ARHGAP29: variants seen among roughly 807,000 people sequenced by gnomAD.
The protein encoded by ARHGAP29 is rho GTPase-activating protein 29.
In ARHGAP29, 43 loss-of-function variants were observed where a neutral mutation model predicts 122.6. That is an observed-to-expected ratio of 0.35 (90% CI 0.27 to 0.45). The LOEUF (loss-of-function observed/expected upper bound fraction) is 0.45. ARHGAP29 is among the 20% of genes least tolerant of loss of function. The probability of loss-of-function intolerance (pLI) is 1.00; values close to 1 mark genes in which losing one functional copy is unlikely to be tolerated. For synonymous variants in ARHGAP29, 506 were observed against 497.1 expected, an observed-to-expected ratio of 1.02 and a Z score of -0.24; for missense variants, 1,303 against 1,477.2, an observed-to-expected ratio of 0.88 and a Z score of 1.93.
chr1:94,209,002 A>G, intron 4 of ARHGAP29, 98 bp from the exon 5 acceptor site: 2 of 1,157,422 alleles, frequency 1.7e-6, no homozygotes. Flanking sequence ...TTTAAAAATA[A>G]GAACCTTAGA....
chr1:94,269,857 A>T (rs2130896), intron 1 of ARHGAP29, among the ~76,000 whole-genome samples: 39,162 of 152,000 alleles, frequency 0.26, 5,853 homozygotes, highest in Middle Eastern at 0.42. Flanking sequence ...GCTTATAAGT[A>T]GAGTCCTGGT....
chr1:94,184,947 T>C lies in ARHGAP29; in HGVS notation c.2034A>G (p.Lys678=). 1 of 1,613,796 alleles carries C rather than the reference T, an allele frequency of 6.2e-7. No homozygotes were observed. Among genetic ancestry groups the C allele is most frequent in the Non-Finnish European group, 8.5e-7 (1 of 1,179,840 alleles). The change falls in exon 18 of 23, where the codon AAA becomes AAG. Residue 678 remains lysine, a synonymous_variant. Coordinates refer to ENST00000260526, the MANE Select transcript of ARHGAP29 (RefSeq NM_004815.4). ...TAAAAGGGATACCATCTGGTTCCTT[T>C]TTTGCAACTTGTGTGAATTCTGCTC... ...LFGAEFTQVA[K]KEPDGIPFIL...
chr1:94,275,748 A>G (rs529984537), upstream of ARHGAP29, among the ~76,000 whole-genome samples: 35 of 152,250 alleles, frequency 2.3e-4, no homozygotes, highest in African/African-American at 8.2e-4. Context: ...ACATACGAAC[A>G]TATAAGAGAG....
chr1:94,192,384 T>G (rs924889219), intron 12 of ARHGAP29: 2 of 152,182 alleles, frequency 1.3e-5, no homozygotes, highest in Non-Finnish European at 2.9e-5. Context: ...ACAAACTGAG[T>G]GCAGACAGAA....
chr1:94,191,335 AT>A (rs1176132250), intron 12 of ARHGAP29: 1 of 152,166 alleles, frequency 6.6e-6, no homozygotes, highest in Non-Finnish European at 1.5e-5. Flanking sequence ...GCTTAATGTT[AT>A]TTCAAAGACT....
At chr1:94,228,637 G>A (rs1652752016) in intron 2 of ARHGAP29, among the ~76,000 whole-genome samples, 1 of 151,752 alleles carries the variant, frequency 6.6e-6, no homozygotes, top group South Asian at 2.1e-4. Flanking sequence ...CGGAGCTAAA[G>A]GTACCTGCCT....
Position 94,220,292 on chromosome 1 carries a change from T to C in ARHGAP29, c.306A>G (p.Gln102=), listed in dbSNP as rs750257938. 6.2e-6 allele frequency: 10 copies of C among 1,613,570 alleles called. No homozygotes were observed. The highest frequency in any genetic ancestry group is 1.3e-5 in the African/African-American group (1 of 74,930). ...KHQNLNSVDL[Q]NAAEMLTAKV... is the part of the protein sequence containing the mutation. ...TTGCAGTGAGCATTTCTGCAGCATT[T>C]TGAAGATCAACAGAATTGAGGTTCT... Residue 102 remains glutamine (Q), a synonymous_variant, in exon 3 of 23, where the codon CAA becomes CAG. Coordinates refer to ENST00000260526, the MANE Select transcript of ARHGAP29 (RefSeq NM_004815.4).
chr1:94,242,568 A>G (rs545976168), upstream of ARHGAP29, among the ~76,000 whole-genome samples: 129 of 151,808 alleles, frequency 8.5e-4, no homozygotes, highest in African/African-American at 2.9e-3. Context: ...ATCTCCAGAG[A>G]TAAAGTTAAT....
chr1:94,266,222 T>A (rs1313743661), intron 1 of ARHGAP29, among the ~76,000 whole-genome samples: 1 of 152,106 alleles, frequency 6.6e-6, no homozygotes, highest in Non-Finnish European at 1.5e-5. Context: ...GAGCAGTGAG[T>A]CAGCCAGGCT....
chr1:94,219,241 TGA>T, intron 3 of ARHGAP29, among the ~76,000 whole-genome samples: 1 of 58,294 alleles, frequency 1.7e-5, no homozygotes, highest in East Asian at 6.0e-4. Flanking sequence ...CATTTAACAC[TGA>T]TAATCACTTC....
At chr1:94,304,000 T>A in the ARHGAP29 span, among the ~76,000 whole-genome samples, 3,236 of 152,330 alleles carry the variant, frequency 0.021, 158 homozygotes, top group Admixed American at 0.11. Context: ...CCTGATACAA[T>A]TCTTTTTGCA....
At chr1:94,196,723 C>T (rs1650503779) in intron 12 of ARHGAP29, among the ~76,000 whole-genome samples, 1 of 152,042 alleles carries the variant, frequency 6.6e-6, no homozygotes, top group East Asian at 1.9e-4. Context: ...AAATCAGTAT[C>T]AGGAAGATAT....
Position 94,261,048 on chromosome 1 carries a change from T to TA in ARHGAP29, c.-33+13963dup, listed in dbSNP as rs1161944403. Among the ~76,000 whole-genome samples, 18 of 152,254 alleles carry TA rather than the reference T, an allele frequency of 1.2e-4. No homozygotes were observed. In the East Asian group the frequency reaches 3.5e-3, roughly 29 times the overall value. On this transcript the variant is annotated intron_variant and NMD_transcript_variant, in intron 1 of 25. Coordinates refer to the ARHGAP29 transcript ENST00000552844. Reference sequence around the variant, plus strand: ...AAATGTGTCTCTGTTCTTGAAACATTAAAAAACCAGGCCATGAAACCACCA... The same window carrying TA: ...AAATGTGTCTCTGTTCTTGAAACATTAAAAAAACCAGGCCATGAAACCACCA...
intron 1 of ARHGAP29, among the ~76,000 whole-genome samples, chr1:94,233,715 G>A (rs533552562): frequency 6.6e-6 from 1 of 152,208 alleles, no homozygotes; most frequent in East Asian, 1.9e-4. Flanking sequence ...TGTTTACGAT[G>A]ACTCTCACCA....
At chr1:94,251,442 C>G (rs1654089848) in intron 1 of ARHGAP29, among the ~76,000 whole-genome samples, 1 of 152,096 alleles carries the variant, frequency 6.6e-6, no homozygotes, top group Non-Finnish European at 1.5e-5. Flanking sequence ...CCTGGCCTAT[C>G]ATACCCATTT....
chr1:94,302,660 C>A, the ARHGAP29 span: 1 of 452,556 alleles, frequency 2.2e-6, no homozygotes, highest in Non-Finnish European at 4.5e-6. Flanking sequence ...CTGGTGCTGC[C>A]AAGGCTGTGG....
chr1:94,187,915 G>A (rs1480954382), intron 15 of ARHGAP29, among the ~76,000 whole-genome samples: 2 of 152,060 alleles, frequency 1.3e-5, no homozygotes, highest in African/African-American at 2.4e-5. Context: ...CCAGTGCTGC[G>A]TGAAAATAGT....
At chr1:94,307,874 C>G in the ARHGAP29 span, among the ~76,000 whole-genome samples, 1 of 152,126 alleles carries the variant, frequency 6.6e-6, no homozygotes, top group Admixed American at 6.5e-5. Context: ...ATGGGAAAGG[C>G]CTTATAAAGC....
At chr1:94,257,147 T>C (rs1224423165) in intron 1 of ARHGAP29, among the ~76,000 whole-genome samples, 1 of 152,078 alleles carries the variant, frequency 6.6e-6, no homozygotes, top group Non-Finnish European at 1.5e-5. Context: ...CTGACACCTG[T>C]AATCCCAGCA....
Sources: allele counts gnomAD v4.1 joint callset (sites outside exome capture counted in the v4.1 genomes callset), GRCh38; gene constraint gnomAD v4.1.1; transcripts MANE v1.5; gene names NCBI Gene and HGNC (gene_info 2026-07-23, HGNC 2026-07-21).